The following PTPN22 variants were observed in gnomAD, a reference collection of about 807,000 sequenced individuals.
PTPN22 encodes the protein tyrosine-protein phosphatase non-receptor type 22.
In PTPN22, 85 loss-of-function variants were observed where a neutral mutation model predicts 103.3. The observed-to-expected ratio is 0.82, with a 90% CI of 0.69 to 0.99. The LOEUF is 0.99. Among genes scored for constraint, PTPN22 ranks in the 50% least tolerant of loss-of-function variants. PTPN22 has a pLI of 0.00. For synonymous variants in PTPN22, 323 were observed against 310.2 expected, an observed-to-expected ratio of 1.04 and a Z score of -0.43; for missense variants, 865 against 936.9, an observed-to-expected ratio of 0.92 and a Z score of 1.00.
chr1:113,826,374 GAGGAA>G, intron 18 of PTPN22, among the ~76,000 whole-genome samples: 1 of 143,218 alleles, frequency 7.0e-6, no homozygotes, highest in African/African-American at 2.7e-5. Context: ...GAGAGAGACA[GAGGAA>G]GGGAAGTGAA....
chr1:113,858,473 C>T lies in PTPN22; in HGVS notation c.369+5G>A. On this transcript the variant is annotated splice_donor_5th_base_variant and intron_variant, in intron 4 of 20. Transcript: ENST00000359785. ...ATAAAGTAACAAAAGCAACACCATA[C>T]TTACAAGGACACTATATTCCCAAAT... 6.4e-7 allele frequency: 1 copy of T among 1,560,252 alleles called. No homozygotes were observed. The highest frequency in any genetic ancestry group is 1.1e-5 in the South Asian group (1 of 87,684).
At chr1:113,850,534 C>T (rs539088507) in intron 10 of PTPN22, among the ~76,000 whole-genome samples, 221 of 152,318 alleles carry the variant, frequency 1.5e-3, no homozygotes, top group African/African-American at 5.2e-3. Flanking sequence ...CTTCTGGAAT[C>T]TTTATGCATT....
At chr1:113,835,874 G>A (rs1662959727) in intron 13 of PTPN22, among the ~76,000 whole-genome samples, 1 of 152,062 alleles carries the variant, frequency 6.6e-6, no homozygotes, top group Non-Finnish European at 1.5e-5. Flanking sequence ...ACAAGAAACT[G>A]CCACCAGATG....
Position 113,826,924 on chromosome 1 carries a change from C to T in PTPN22, c.2251-1752G>A, listed in dbSNP as rs369239523. Among the ~76,000 whole-genome samples, 94 of 152,146 alleles carry T rather than the reference C, an allele frequency of 6.2e-4. 4 individuals are homozygous for T. In the South Asian group the frequency reaches 0.019, roughly 31 times the overall value. ...GACCTCGTGATCCGCCCGCCTCGGC[C>T]TCCCAAAGTGCTGGGATTACAGGCG... On this transcript the variant is annotated intron_variant, in intron 18 of 20. Coordinates refer to ENST00000359785, the Ensembl canonical transcript of PTPN22.
At chr1:113,852,084 A>G in exon 10 of PTPN22, 1 of 1,610,192 alleles carries the variant, frequency 6.2e-7, no homozygotes, top group Non-Finnish European at 8.5e-7. Flanking sequence ...AACTGAAAAC[A>G]CTGAAGTTCT....
intron 11 of PTPN22, among the ~76,000 whole-genome samples, chr1:113,847,505 G>T (rs1212928286): frequency 1.4e-5 from 2 of 146,598 alleles, no homozygotes; most frequent in Non-Finnish European, 3.0e-5. Flanking sequence ...TATAATAAGT[G>T]ATTTTCAACT....
intron 7 of PTPN22, 146 bp from the exon 8 acceptor site, chr1:113,855,195 T>G (rs953839069): frequency 2.9e-6 from 2 of 698,554 alleles, no homozygotes; most frequent in African/African-American, 3.6e-5. Context: ...TGTCTTATAT[T>G]CATAAGATTA....
chr1:113,831,625 G>GCAATGATC (rs1662558269), intron 16 of PTPN22, among the ~76,000 whole-genome samples: 1 of 151,032 alleles, frequency 6.6e-6, no homozygotes, highest in Non-Finnish European at 1.5e-5. Context: ...TTCTACCTTT[G>GCAATGATC]AGTCATTGGT....
Position 113,833,148 on chromosome 1 carries a change from A to G in PTPN22, c.2026-10T>C, listed in dbSNP as rs774087325. The stretch of plus-strand genomic sequence containing the variant: ...TTCGGAGTTTTACACTCTAAAAGAA[A>G]AAAAGAAAGGAAAAGTGAAAGAAGA... On this transcript the variant is annotated splice_polypyrimidine_tract_variant and intron_variant, in intron 15 of 20. Transcript: ENST00000359785. The G allele has an allele frequency of 5.0e-5, 78 of 1,547,166 alleles. 3 individuals are homozygous for G. The South Asian group carries it at 9.0e-4, about 18-fold the overall frequency.
intron 20 of PTPN22, among the ~76,000 whole-genome samples, chr1:113,818,305 G>C (rs571842584): frequency 1.3e-5 from 2 of 151,714 alleles, no homozygotes; most frequent in Middle Eastern, 3.2e-3. Flanking sequence ...GCTGGGATTA[G>C]AGGCATGTAC....
At chr1:113,821,558 G>A (rs957537959) in intron 19 of PTPN22, among the ~76,000 whole-genome samples, 2 of 152,034 alleles carry the variant, frequency 1.3e-5, no homozygotes, top group Non-Finnish European at 2.9e-5. Context: ...TCCTGACCTC[G>A]TGATCTGCCT....
chr1:113,859,261 A>G, intron 2 of PTPN22, 91 bp downstream of exon 2: 1 of 1,538,398 alleles, frequency 6.5e-7, no homozygotes, highest in South Asian at 1.2e-5. Flanking sequence ...GCCATGTTCC[A>G]AGATCAGGAT....
In PTPN22 at chr1:113,843,099, C is replaced by CAAAAAAAGAAAA. The variant is rs1386080834; in HGVS notation, c.916-4480_916-4479insTTTTCTTTTTTT. 3.3e-4 allele frequency among the ~76,000 whole-genome samples: 16 copies of CAAAAAAAGAAAA among 47,908 alleles called. 1 individual carries two copies. The highest frequency in any genetic ancestry group is 1.7e-3 in the African/African-American group (15 of 8,574). The allele number at this position is 47,908 out of a possible 152,430, so 31.4% of individuals were successfully genotyped here. A position where few individuals can be genotyped will look rare whatever the true frequency, so the allele number is the denominator to read the frequency against. ...TGGGCGACAGAGCGAGACTCCGTCT[C>CAAAAAAAGAAAA]AAAAAAAAAAAAAAAGAAAACTAAA... On this transcript the variant is annotated intron_variant, in intron 11 of 20. Transcript: ENST00000359785.
chr1:113,870,999 C>T (rs1338948248), intron 1 of PTPN22, among the ~76,000 whole-genome samples: 1 of 152,152 alleles, frequency 6.6e-6, no homozygotes, highest in Non-Finnish European at 1.5e-5. Context: ...CACTGCTGCA[C>T]TCCAGCCTGG....
At chr1:113,825,013 A>T in intron 19 of PTPN22, 129 bp downstream of exon 19, 8 of 413,654 alleles carry the variant, frequency 1.9e-5, no homozygotes, top group East Asian at 5.8e-5. Context: ...GATTGTTCTG[A>T]TTCATAGGAC....
chr1:113,848,680 A>T, intron 10 of PTPN22, 54 bp from the exon 11 acceptor site: 1 of 1,538,632 alleles, frequency 6.5e-7, no homozygotes, highest in Admixed American at 1.9e-5. Context: ...AAAATTGGTG[A>T]ACGACAGGAC....
chr1:113,837,177 C>T (rs1006352766), intron 13 of PTPN22, among the ~76,000 whole-genome samples: 5 of 151,784 alleles, frequency 3.3e-5, no homozygotes, highest in Non-Finnish European at 5.9e-5. Context: ...GCAGGCTAGG[C>T]GTGGTGGCTC....
chr1:113,847,041 A>AT (rs71090739), intron 11 of PTPN22, among the ~76,000 whole-genome samples: 1,907 of 122,012 alleles, frequency 0.016, 44 homozygotes, highest in Admixed American at 0.075. Flanking sequence ...AGCTCTGTTT[A>AT]TTTTTTTTTC....
chr1:113,837,515 A>T, intron 13 of PTPN22, 75 bp downstream of exon 13: 4 of 1,013,528 alleles, frequency 3.9e-6, no homozygotes, highest in Non-Finnish European at 5.8e-6. Flanking sequence ...AAGAGGGAAG[A>T]GGAGAAGAAA....
Sources: allele counts gnomAD v4.1 joint callset (sites outside exome capture counted in the v4.1 genomes callset), GRCh38; gene constraint gnomAD v4.1.1; transcripts MANE v1.5; gene names NCBI Gene and HGNC (gene_info 2026-07-23, HGNC 2026-07-21).